The following NRXN3 variants were observed in gnomAD, a reference collection of about 807,000 sequenced individuals.
NRXN3 encodes neurexin 3.
Under a neutral mutation model 137.6 loss-of-function variants are expected in NRXN3, and 32 were observed. The observed-to-expected ratio is 0.23, with a 90% CI of 0.18 to 0.31. NRXN3 has a LOEUF of 0.31. NRXN3 is among the 10% of genes least tolerant of loss of function. The pLI, the probability that NRXN3 is intolerant of heterozygous loss-of-function variation, is 1.00. For synonymous variants in NRXN3, 798 were observed against 784.5 expected (o/e 1.02, Z -0.29); for missense variants, 1,574 against 2,062.5 (o/e 0.76, Z 4.59).
At chr14:78,196,121 C>G (rs1413426255) in intron 1 of NRXN3, among the ~76,000 whole-genome samples, 1 of 152,182 alleles carries the variant, frequency 6.6e-6, no homozygotes, top group African/African-American at 2.4e-5. Context: ...AGGCTTTTCC[C>G]ACGTCACCCA....
chr14:78,369,529 G>A (rs2086495443), intron 4 of NRXN3, among the ~76,000 whole-genome samples: 1 of 152,070 alleles, frequency 6.6e-6, no homozygotes, highest in South Asian at 2.1e-4. Context: ...CTTATTCTGT[G>A]TGTTCCTTCA....
intron 4 of NRXN3, among the ~76,000 whole-genome samples, chr14:78,465,177 T>G (rs1389743434): frequency 6.6e-6 from 1 of 152,044 alleles, no homozygotes; most frequent in Non-Finnish European, 1.5e-5. Flanking sequence ...ATATCTCAAT[T>G]CTATTTCTAA....
At chr14:79,452,662 G>C (rs1393041633) in intron 15 of NRXN3, among the ~76,000 whole-genome samples, 2 of 152,164 alleles carry the variant, frequency 1.3e-5, no homozygotes, top group Non-Finnish European at 2.9e-5. Context: ...ATTTTCTGGG[G>C]AATAGGCACA....
intron 15 of NRXN3, among the ~76,000 whole-genome samples, chr14:79,393,732 G>A (rs533721925): frequency 8.9e-4 from 136 of 152,138 alleles, no homozygotes; most frequent in African/African-American, 3.1e-3. Context: ...GGAGAATGGC[G>A]TGAACCCAGG....
rs112065287 is a variant in NRXN3, at chr14:78,682,118, G to A, written c.1222-27099G>A. On this transcript the variant is annotated intron_variant, in intron 6 of 20. Coordinates refer to ENST00000335750, the MANE Select transcript of NRXN3 (RefSeq NM_001330195.2). ...CTTGACCTTGTGATCCACCTGCCTC[G>A]GCCTCCCAAAGTGCTGGGATTACAG... Among the ~76,000 whole-genome samples, 100 of 151,984 alleles carry A rather than the reference G, an allele frequency of 6.6e-4. 1 individual carries two copies. Among genetic ancestry groups the A allele is most frequent in the Non-Finnish European group, 1.2e-3 (81 of 67,952 alleles).
chr14:79,192,883 GC>G (rs1395880004), intron 15 of NRXN3, among the ~76,000 whole-genome samples: 4 of 144,916 alleles, frequency 2.8e-5, no homozygotes, highest in Non-Finnish European at 5.9e-5. Flanking sequence ...AGATTCTCCT[GC>G]CCCAGCCTCC....
chr14:78,491,695 A>G (rs2095671739), intron 4 of NRXN3, among the ~76,000 whole-genome samples: 1 of 152,166 alleles, frequency 6.6e-6, no homozygotes, highest in Non-Finnish European at 1.5e-5. Context: ...ATACTGATAG[A>G]GAACCCCAGC....
At chr14:78,782,488 G>A (rs1343176821) in intron 8 of NRXN3, among the ~76,000 whole-genome samples, 5 of 152,154 alleles carry the variant, frequency 3.3e-5, no homozygotes, top group East Asian at 1.9e-4. Flanking sequence ...AGCTTTTGCC[G>A]AAAGCTTTTT....
intron 16 of NRXN3, among the ~76,000 whole-genome samples, chr14:79,631,630 A>T (rs1251039758): frequency 6.6e-6 from 1 of 152,220 alleles, no homozygotes; most frequent in Non-Finnish European, 1.5e-5. Flanking sequence ...AGTGAGTGCC[A>T]CTGAGAGGTG....
intron 10 of NRXN3, among the ~76,000 whole-genome samples, chr14:78,914,523 T>C (rs2099249753): frequency 6.6e-6 from 1 of 152,092 alleles, no homozygotes; most frequent in African/African-American, 2.4e-5. Flanking sequence ...AGTGAGAAGG[T>C]GGCATTTGAG....
At chr14:79,358,648 A>AGAAAGAAG in intron 15 of NRXN3, among the ~76,000 whole-genome samples, 1 of 151,202 alleles carries the variant, frequency 6.6e-6, no homozygotes, top group Admixed American at 6.6e-5. Flanking sequence ...AAAGAAAGAA[A>AGAAAGAAG]GAAAGAAAGA....
intron 4 of NRXN3, among the ~76,000 whole-genome samples, chr14:78,316,234 G>T (rs1416002181): frequency 1.3e-5 from 2 of 152,082 alleles, no homozygotes; most frequent in African/African-American, 4.8e-5. Flanking sequence ...TAGAATAAAG[G>T]CTCCCCACCC....
chr14:79,499,723 G>A (rs781765290), intron 16 of NRXN3, among the ~76,000 whole-genome samples: 1 of 152,046 alleles, frequency 6.6e-6, no homozygotes, highest in Non-Finnish European at 1.5e-5. Context: ...ATGATAACCG[G>A]TGCAATTTTG....
chr14:78,520,760 C>T (rs968041662), intron 4 of NRXN3, among the ~76,000 whole-genome samples: 1 of 152,200 alleles, frequency 6.6e-6, no homozygotes, highest in African/African-American at 2.4e-5. Context: ...CAGTTGGGAA[C>T]GATTACTGGA....
At chr14:78,618,711 G>T (rs1352122014) in intron 4 of NRXN3, among the ~76,000 whole-genome samples, 1 of 152,156 alleles carries the variant, frequency 6.6e-6, no homozygotes, top group Non-Finnish European at 1.5e-5. Flanking sequence ...AATCCATGAA[G>T]TAATGCAGTC....
At chr14:78,175,948 T>C (rs2059224228) in intron 1 of NRXN3, among the ~76,000 whole-genome samples, 1 of 152,232 alleles carries the variant, frequency 6.6e-6, no homozygotes, top group Non-Finnish European at 1.5e-5. Context: ...TCTTTACCCC[T>C]CTAGAATGCA....
At chr14:78,709,025 T>C (rs1273842337) in intron 6 of NRXN3, among the ~76,000 whole-genome samples, 192 bp from the exon 7 acceptor site, 1 of 152,196 alleles carries the variant, frequency 6.6e-6, no homozygotes, top group Admixed American at 6.5e-5. Context: ...TAGAGGCTTT[T>C]TTGGAGCTTG....
chr14:78,720,532 G>T (rs1447275536), intron 8 of NRXN3, among the ~76,000 whole-genome samples: 2 of 152,030 alleles, frequency 1.3e-5, no homozygotes, highest in African/African-American at 4.8e-5. Context: ...CTTGGTAAAT[G>T]GCATCCCTAC....
chr14:78,472,108 G>T (rs1369979777), intron 4 of NRXN3, among the ~76,000 whole-genome samples: 2 of 152,192 alleles, frequency 1.3e-5, no homozygotes, highest in African/African-American at 2.4e-5. Context: ...GCTTTGAAGA[G>T]CAAGATAGCA....
Sources: allele counts gnomAD v4.1 joint callset (sites outside exome capture counted in the v4.1 genomes callset), GRCh38; gene constraint gnomAD v4.1.1; transcripts MANE v1.5; gene names NCBI Gene and HGNC (gene_info 2026-07-23, HGNC 2026-07-21).